The following HIVEP3 variants were observed in gnomAD, a reference collection of about 807,000 sequenced individuals.
HIVEP3 encodes transcription factor HIVEP3.
In HIVEP3, 49 loss-of-function variants were observed where a neutral mutation model predicts 152.8. The observed-to-expected ratio is 0.32, with a 90% confidence interval of 0.26 to 0.41. HIVEP3 has a LOEUF of 0.41. Ranked by LOEUF, HIVEP3 falls within the 10% of genes least tolerant of loss-of-function variation. HIVEP3 has a pLI of 1.00. For missense variants in HIVEP3, 2,790 were observed against 3,103.3 expected (o/e 0.90, Z 2.40); for synonymous variants, 1,269 against 1,289.0 (o/e 0.98, Z 0.33).
chr1:41,595,609 G>A (rs1558100953), intron 3 of HIVEP3, among the ~76,000 whole-genome samples: 1 of 152,304 alleles, frequency 6.6e-6, no homozygotes, highest in East Asian at 1.9e-4. Flanking sequence ...AATATCGAAT[G>A]TCAACTTGAT....
At position 41,580,439 on chromosome 1, in the gene HIVEP3, C is replaced by T; in HGVS notation, c.4359G>A (p.Glu1453=). 1.2e-6 allele frequency: 2 copies of T among 1,614,146 alleles called. No individual in the cohort carries two copies. Among genetic ancestry groups the T allele is most frequent in the Non-Finnish European group, 1.7e-6 (2 of 1,180,000 alleles). ...GTTTTTCATCTGCCTTGGAAGCCTCCTCCTCCTTCACTCTTTTTTGCTGCT... is the reference window on the plus strand; with the variant it reads ...GTTTTTCATCTGCCTTGGAAGCCTCTTCCTCCTTCACTCTTTTTTGCTGCT... ...ETQQQKRVKE[E]EASKADEKLE... is the part of the protein sequence containing the mutation. Residue 1453 remains glutamate, a synonymous_variant, in exon 4 of 9, where the codon GAG becomes GAA. Transcript: ENST00000372583.
chr1:41,640,348 C>T (rs1645353661), intron 2 of HIVEP3, among the ~76,000 whole-genome samples: 1 of 152,118 alleles, frequency 6.6e-6, no homozygotes, highest in Admixed American at 6.5e-5. Context: ...CCACACCTCG[C>T]AGCCCTCTGT....
chr1:41,759,775 G>A (rs1182239521), intron 1 of HIVEP3, among the ~76,000 whole-genome samples: 3 of 152,074 alleles, frequency 2.0e-5, no homozygotes, highest in African/African-American at 7.2e-5. Context: ...GATTCTACAA[G>A]CTGTGACACC....
intron 5 of HIVEP3, among the ~76,000 whole-genome samples, chr1:41,529,246 TCA>T (rs199596848): frequency 0.037 from 1,848 of 50,422 alleles, 79 homozygotes; most frequent in African/African-American, 0.12. Flanking sequence ...ACACCCCCAC[TCA>T]CACTTACCTT....
chr1:41,718,280 T>C (rs1570388371), intron 1 of HIVEP3, among the ~76,000 whole-genome samples: 1 of 152,220 alleles, frequency 6.6e-6, no homozygotes, highest in Non-Finnish European at 1.5e-5. Flanking sequence ...GCAATGGGGA[T>C]GAATACAGGC....
chr1:41,724,426 T>G, intron 1 of HIVEP3, among the ~76,000 whole-genome samples: 1 of 152,208 alleles, frequency 6.6e-6, no homozygotes, highest in East Asian at 1.9e-4. Flanking sequence ...CCTGACCTAC[T>G]ACTGCTGCCA....
intron 5 of HIVEP3, among the ~76,000 whole-genome samples, chr1:41,559,752 GT>G (rs539359122): frequency 1.1e-3 from 170 of 152,302 alleles, no homozygotes; most frequent in African/African-American, 3.8e-3. Context: ...CTGGGCTACA[GT>G]TTCCTTACTG....
At chr1:41,980,414 T>C (rs2124509611) in intron 1 of HIVEP3, among the ~76,000 whole-genome samples, 1 of 152,324 alleles carries the variant, frequency 6.6e-6, no homozygotes, top group African/African-American at 2.4e-5. Flanking sequence ...ATGCGATGAA[T>C]GTCAAAGGCA....
At chr1:41,909,331 C>T (rs1644761661) in intron 1 of HIVEP3, among the ~76,000 whole-genome samples, 1 of 151,964 alleles carries the variant, frequency 6.6e-6, no homozygotes, top group Admixed American at 6.5e-5. Flanking sequence ...AGTTGGTAGA[C>T]CTACATTAAT....
Position 42,007,110 on chromosome 1 carries a change from G to A in HIVEP3, n.119+28697C>T, listed in dbSNP as rs1390220676. 2.0e-5 allele frequency among the ~76,000 whole-genome samples: 3 copies of A among 152,310 alleles called. No individual in the cohort carries two copies. The East Asian group carries it at 5.8e-4, about 29-fold the overall frequency. On this transcript the variant is annotated intron_variant and non_coding_transcript_variant, in intron 1 of 3. Transcript: ENST00000489103. ...CACAATTATGAAATACAATAGAGCTGAGTCAGTCAAGTATTCAACTTACAT... is the reference window on the plus strand; with the variant it reads ...CACAATTATGAAATACAATAGAGCTAAGTCAGTCAAGTATTCAACTTACAT...
intron 5 of HIVEP3, among the ~76,000 whole-genome samples, chr1:41,531,023 A>C (rs1379485527): frequency 6.6e-6 from 1 of 151,858 alleles, no homozygotes; most frequent in Non-Finnish European, 1.5e-5. Flanking sequence ...ATGACAGGAG[A>C]GATGGAGGAC....
chr1:41,658,033 T>C (rs1262442676), intron 2 of HIVEP3, among the ~76,000 whole-genome samples: 1 of 152,218 alleles, frequency 6.6e-6, no homozygotes, highest in Non-Finnish European at 1.5e-5. Flanking sequence ...GGAGCTCTTC[T>C]GTTCAAAGCC....
intron 1 of HIVEP3, among the ~76,000 whole-genome samples, chr1:41,738,901 G>A (rs1646956227): frequency 1.3e-5 from 2 of 152,154 alleles, no homozygotes; most frequent in Admixed American, 1.3e-4. Flanking sequence ...TCCCCAAGAG[G>A]GTAGATTCTA....
intron 2 of HIVEP3, among the ~76,000 whole-genome samples, chr1:41,660,532 G>T (rs1398840264): frequency 6.6e-6 from 1 of 152,146 alleles, no homozygotes; most frequent in East Asian, 1.9e-4. Flanking sequence ...TTAGCTGTGT[G>T]ACCTCAGATG....
chr1:41,613,113 G>T (rs1217858876), intron 3 of HIVEP3, among the ~76,000 whole-genome samples: 1 of 152,214 alleles, frequency 6.6e-6, no homozygotes, highest in African/African-American at 2.4e-5. Context: ...AGCCGCTAGG[G>T]GCTCACTGCC....
intron 1 of HIVEP3, among the ~76,000 whole-genome samples, chr1:41,740,136 C>A (rs1311483846): frequency 6.6e-6 from 1 of 152,250 alleles, no homozygotes; most frequent in Admixed American, 6.5e-5. Context: ...CCTACCCATC[C>A]ACATTGCTGG....
At chr1:41,857,884 G>A (rs1179817763) in intron 1 of HIVEP3, among the ~76,000 whole-genome samples, 1 of 152,008 alleles carries the variant, frequency 6.6e-6, no homozygotes, top group Non-Finnish European at 1.5e-5. Context: ...AGAAAGCAAG[G>A]ACAACCTGGA....
chr1:41,992,101 C>T (rs1267297220), intron 1 of HIVEP3, among the ~76,000 whole-genome samples: 2 of 143,520 alleles, frequency 1.4e-5, no homozygotes, highest in Non-Finnish European at 3.0e-5. Flanking sequence ...GACAGGGATG[C>T]CCTCTCTCAC....
chr1:41,670,593 A>G (rs572762944), intron 2 of HIVEP3, among the ~76,000 whole-genome samples: 2 of 152,310 alleles, frequency 1.3e-5, no homozygotes, highest in Admixed American at 6.5e-5. Flanking sequence ...AAGTAAGTAA[A>G]CTATAGAGCA....
Sources: gnomAD v4.1 joint callset for allele counts (sites outside exome capture counted in the v4.1 genomes callset) on GRCh38, gnomAD v4.1.1 for gene constraint, MANE v1.5 for transcripts, NCBI Gene and HGNC (gene_info 2026-07-23, HGNC 2026-07-21) for gene names.